Variants in KSR2 observed in about 807,000 individuals in gnomAD.
KSR2 encodes the protein kinase suppressor of ras 2.
KSR2 carries 25 observed loss-of-function variants against 107.8 expected under a neutral mutation model. That is an observed-to-expected ratio of 0.23 (90% CI 0.17 to 0.32). The LOEUF (loss-of-function observed/expected upper bound fraction) is 0.32. Ranked by LOEUF, KSR2 falls within the 10% of genes least tolerant of loss-of-function variation. The pLI is 1.00. For missense variants in KSR2, 887 were observed against 1,268.9 expected, an observed-to-expected ratio of 0.70 and a Z score of 4.57; for synonymous variants, 480 against 507.0, an observed-to-expected ratio of 0.95 and a Z score of 0.71.
chr12:117,589,091 T>C (rs1880171224), intron 5 of KSR2, among the ~76,000 whole-genome samples: 1 of 152,210 alleles, frequency 6.6e-6, no homozygotes, highest in Admixed American at 6.5e-5. Flanking sequence ...CCCAGTTTCC[T>C]ATAAAATTAA....
rs532260458 is a variant in KSR2, at chr12:117,575,844, T to C, written c.1325+3275A>G. On this transcript the variant is annotated intron_variant, in intron 7 of 19. Coordinates refer to ENST00000339824, the MANE Select transcript of KSR2 (RefSeq NM_173598.6). ...TGCCATCTGGAGCATGGACATTTAATTGACTCCTTCCAACAGCCCTGTGGT... is the reference window on the plus strand; with the variant it reads ...TGCCATCTGGAGCATGGACATTTAACTGACTCCTTCCAACAGCCCTGTGGT... Among the ~76,000 whole-genome samples the C allele has an allele frequency of 5.9e-5, 9 of 152,340 alleles. No homozygotes were observed. In the South Asian group the frequency reaches 1.7e-3, roughly 28 times the overall value.
At chr12:117,732,947 C>T (rs75215406) in intron 4 of KSR2, among the ~76,000 whole-genome samples, 5 of 152,180 alleles carry the variant, frequency 3.3e-5, no homozygotes, top group African/African-American at 9.7e-5. Flanking sequence ...TGCCATCAGC[C>T]GCCAGGAGCA....
rs16947872 is a variant in KSR2, at chr12:117,675,412, A to G, written c.987-7754T>C. On this transcript the variant is annotated intron_variant, in intron 4 of 19. Transcript: ENST00000339824. ...AGGGCTGGTTTAGCAGCATCTTCCC[A>G]GTTAATTCCCAAGTAAGGGCTCTTC... Among the ~76,000 whole-genome samples the G allele has an allele frequency of 9.5e-3, 1,450 of 152,328 alleles. 23 individuals carry two copies. Among genetic ancestry groups the G allele is most frequent in the African/African-American group, 0.033 (1,377 of 41,580 alleles).
chr12:117,960,725 T>C (rs1896636732), intron 1 of KSR2, among the ~76,000 whole-genome samples: 1 of 152,082 alleles, frequency 6.6e-6, no homozygotes, highest in South Asian at 2.1e-4. Context: ...TCTATAGCAA[T>C]ACATAACTGA....
chr12:117,495,616 C>T lies in KSR2; in HGVS notation c.2220-9925G>A, dbSNP rs576872192. Reference sequence around the variant, plus strand: ...CCTAGCTGCCCACGAGGGCACTGAGCTTTTGTTAATGCAGGCCCTCCCTCC... The same window carrying T: ...CCTAGCTGCCCACGAGGGCACTGAGTTTTTGTTAATGCAGGCCCTCCCTCC... On this transcript the variant is annotated intron_variant, in intron 14 of 19. Coordinates refer to ENST00000339824, the MANE Select transcript of KSR2 (RefSeq NM_173598.6). Among the ~76,000 whole-genome samples the T allele has an allele frequency of 4.6e-5, 7 of 152,312 alleles. No individual in the cohort carries two copies. The South Asian group carries it at 1.5e-3, about 32-fold the overall frequency.
intron 3 of KSR2, among the ~76,000 whole-genome samples, chr12:117,792,051 T>G (rs2136976743): frequency 6.6e-6 from 1 of 152,086 alleles, no homozygotes; most frequent in East Asian, 1.9e-4. Flanking sequence ...AGCATTGCGG[T>G]TTTGGCCAAG....
intron 10 of KSR2, among the ~76,000 whole-genome samples, chr12:117,535,663 T>G (rs1301668981): frequency 6.6e-6 from 1 of 151,182 alleles, no homozygotes; most frequent in Non-Finnish European, 1.5e-5. Flanking sequence ...AAGATGGCTC[T>G]AGGTGGCTCC....
intron 5 of KSR2, among the ~76,000 whole-genome samples, chr12:117,629,282 C>T (rs560200257): frequency 5.6e-4 from 86 of 152,326 alleles, no homozygotes; most frequent in African/African-American, 1.7e-3. Flanking sequence ...TCTTCTGCGT[C>T]GATCATGCTG....
At chr12:117,701,903 G>C (rs1378514903) in intron 4 of KSR2, among the ~76,000 whole-genome samples, 4 of 152,196 alleles carry the variant, frequency 2.6e-5, no homozygotes. Context: ...CAGACTTCCA[G>C]TCTCCAGAAC....
intron 3 of KSR2, among the ~76,000 whole-genome samples, chr12:117,830,256 G>C (rs549247273): frequency 6.6e-6 from 1 of 151,532 alleles, no homozygotes; most frequent in Non-Finnish European, 1.5e-5. Context: ...GAAACAGAGT[G>C]AGATTCCATC....
chr12:117,703,191 T>A (rs893180622), intron 4 of KSR2, among the ~76,000 whole-genome samples: 2 of 152,174 alleles, frequency 1.3e-5, no homozygotes, highest in Non-Finnish European at 2.9e-5. Context: ...TCAGAAGTTG[T>A]CATTGGCCAG....
At chr12:117,693,458 A>C (rs548895888) in intron 4 of KSR2, among the ~76,000 whole-genome samples, 3 of 152,248 alleles carry the variant, frequency 2.0e-5, no homozygotes, top group South Asian at 4.2e-4. Context: ...ATTTTCCAAA[A>C]ACTACACATC....
intron 6 of KSR2, among the ~76,000 whole-genome samples, chr12:117,581,088 CT>C (rs1158866310): frequency 2.0e-5 from 3 of 152,238 alleles, no homozygotes; most frequent in African/African-American, 7.2e-5. Context: ...CTATCACACA[CT>C]TCTCACTTCT....
chr12:117,851,039 G>T (rs1892904032), intron 3 of KSR2, among the ~76,000 whole-genome samples: 1 of 152,222 alleles, frequency 6.6e-6, no homozygotes, highest in Admixed American at 6.5e-5. Flanking sequence ...GTGAAGTACA[G>T]TGTTAAGGAT....
In KSR2 at chr12:117,851,559, A is replaced by C. The variant is rs561292417; in HGVS notation, c.472+3869T>G. Among the ~76,000 whole-genome samples the C allele has an allele frequency of 2.0e-5, 3 of 152,092 alleles. No homozygotes were observed. In the East Asian group the frequency reaches 5.8e-4, roughly 29 times the overall value. On this transcript the variant is annotated intron_variant, in intron 3 of 19. Coordinates refer to ENST00000339824, the MANE Select transcript of KSR2 (RefSeq NM_173598.6). ...GATCACATCACACCACTGTACTCCA[A>C]CCTGGGTGACAAAGCAAGACCCTGT...
At chr12:117,674,070 C>T (rs1229198786) in intron 4 of KSR2, among the ~76,000 whole-genome samples, 1 of 152,190 alleles carries the variant, frequency 6.6e-6, no homozygotes, top group Non-Finnish European at 1.5e-5. Context: ...AGGCCATCAC[C>T]TATGCTTAGG....
At chr12:117,751,099 T>G (rs1173250539) in intron 4 of KSR2, among the ~76,000 whole-genome samples, 2 of 152,110 alleles carry the variant, frequency 1.3e-5, no homozygotes, top group Non-Finnish European at 2.9e-5. Context: ...ATGGGGGTGG[T>G]CTCCCCCATC....
At chr12:117,658,721 G>A (rs575504724) in intron 5 of KSR2, among the ~76,000 whole-genome samples, 14 of 152,250 alleles carry the variant, frequency 9.2e-5, no homozygotes, top group Admixed American at 3.9e-4. Flanking sequence ...CTGGATAGAT[G>A]GGCAAGACGA....
chr12:117,803,186 CA>C (rs972594040), intron 3 of KSR2, among the ~76,000 whole-genome samples: 2 of 152,116 alleles, frequency 1.3e-5, no homozygotes, highest in African/African-American at 4.8e-5. Context: ...GGCATGAAAA[CA>C]AAGAGAGAGG....
Sources: allele counts gnomAD v4.1 joint callset (sites outside exome capture counted in the v4.1 genomes callset), GRCh38; gene constraint gnomAD v4.1.1; transcripts MANE v1.5; gene names NCBI Gene and HGNC (gene_info 2026-07-23, HGNC 2026-07-21).